The following CMPK2 variants were observed in gnomAD, a reference collection of about 807,000 sequenced individuals.
CMPK2 encodes the protein cytidine/uridine monophosphate kinase 2, also known as UMP-CMP kinase 2, mitochondrial.
In CMPK2, 32 loss-of-function variants were observed where a neutral mutation model predicts 33.4. The observed-to-expected ratio is 0.96, with a 90% CI of 0.72 to 1.29. The LOEUF (loss-of-function observed/expected upper bound fraction) is 1.29. Ranked by LOEUF, CMPK2 falls within the 50% of genes most tolerant of loss-of-function variation. The pLI is 0.00. For synonymous variants in CMPK2, 299 were observed against 275.3 expected, an observed-to-expected ratio of 1.09 and a Z score of -0.85; for missense variants, 672 against 616.0, an observed-to-expected ratio of 1.09 and a Z score of -0.96.
Position 6,863,322 on chromosome 2 carries a change from G to C in CMPK2, c.790+142C>G, listed in dbSNP as rs2103228580. On this transcript the variant is annotated intron_variant, in intron 2 of 4. Transcript: ENST00000256722. ...GGTCTTATTCATCTCTGCATCCCAG[G>C]GCCTGCCTAGCACAGGGCCTGCCAC... is the stretch of plus-strand genomic sequence containing the variant. 4.6e-6 allele frequency: 3 copies of C among 649,734 alleles called. No individual in the cohort carries two copies. The East Asian group carries it at 8.1e-5, about 17-fold the overall frequency. The allele number at this position is 649,734 out of a possible 1,614,324, so 40.2% of individuals were successfully genotyped here. A position where few individuals can be genotyped will look rare whatever the true frequency, so the allele number is the denominator to read the frequency against.
rs1010846530 is a variant in CMPK2, at chr2:6,863,391, C to G, written c.790+73G>C. ...AGGCTCCATATAAAGTTTGGTTTTG[C>G]AGGAAGTATTTCTGTTTCTGCAACT... On this transcript the variant is annotated intron_variant, in intron 2 of 4. Transcript: ENST00000256722. 22 of 1,352,544 alleles carry G rather than the reference C, an allele frequency of 1.6e-5. No homozygotes were observed. The African/African-American group carries it at 2.7e-4, about 17-fold the overall frequency. The allele number at this position is 1,352,544 out of a possible 1,614,324, so 83.8% of individuals were successfully genotyped here. A position where few individuals can be genotyped will look rare whatever the true frequency, so the allele number is the denominator to read the frequency against.
chr2:6,860,840 T>C (rs1291484858), intron 3 of CMPK2, among the ~76,000 whole-genome samples: 2 of 152,224 alleles, frequency 1.3e-5, no homozygotes, highest in African/African-American at 4.8e-5. Flanking sequence ...GTCCCCGGTA[T>C]GCTATTTCCA....
downstream of CMPK2, among the ~76,000 whole-genome samples, chr2:6,844,392 G>A (rs187565532): frequency 2.2e-4 from 34 of 152,252 alleles, no homozygotes; most frequent in East Asian, 2.3e-3. Flanking sequence ...TTAGCTTTCC[G>A]TCAACTGAAT....
intron 2 of CMPK2, among the ~76,000 whole-genome samples, chr2:6,861,608 G>A (rs1341665673): frequency 6.6e-6 from 1 of 152,176 alleles, no homozygotes; most frequent in Non-Finnish European, 1.5e-5. Context: ...CTGATATTGG[G>A]AGTCTAGACA....
chr2:6,864,060 G>C (rs1033488317), intron 1 of CMPK2, among the ~76,000 whole-genome samples: 18 of 152,178 alleles, frequency 1.2e-4, no homozygotes, highest in African/African-American at 4.1e-4. Flanking sequence ...GTCCCCCTGG[G>C]AATTCCCAGT....
At chr2:6,853,276 A>C (rs1441647975) in intron 3 of CMPK2, among the ~76,000 whole-genome samples, 3 of 152,138 alleles carry the variant, frequency 2.0e-5, no homozygotes, top group Non-Finnish European at 2.9e-5. Context: ...TAAAATTTTG[A>C]TCATTTTAGA....
chr2:6,857,946 G>C (rs1340658571), intron 3 of CMPK2, among the ~76,000 whole-genome samples: 4 of 152,112 alleles, frequency 2.6e-5, no homozygotes, highest in African/African-American at 9.7e-5. Flanking sequence ...ATCAGTTTAT[G>C]TCTCTCCTTT....
Position 6,849,692 on chromosome 2 carries a change from T to A in CMPK2, c.*158A>T. ...GACGGGTCCATCAGTCAGAAGAGGG[T>A]ACGATGGCTGAAGTAAAATTAAGAT... is the stretch of plus-strand genomic sequence containing the variant. On this transcript the variant is annotated 3_prime_UTR_variant, in exon 5 of 5. Coordinates refer to ENST00000256722, the MANE Select transcript of CMPK2 (RefSeq NM_207315.4). 6.7e-7 allele frequency: 1 copy of A among 1,492,388 alleles called. No individual in the cohort carries two copies. The highest frequency in any genetic ancestry group is 8.8e-7 in the Non-Finnish European group (1 of 1,132,478). The allele number at this position is 1,492,388 out of a possible 1,614,324, so 92.4% of individuals were successfully genotyped here.
intron 3 of CMPK2, 75 bp downstream of exon 3, chr2:6,861,109 C>A (rs1484577562): frequency 8.0e-7 from 1 of 1,254,556 alleles, no homozygotes; most frequent in African/African-American, 1.5e-5. Flanking sequence ...CACACGCACA[C>A]ACACACACAC....
chr2:6,857,038 G>A (rs78150630), intron 3 of CMPK2, among the ~76,000 whole-genome samples: 1 of 152,324 alleles, frequency 6.6e-6, no homozygotes, highest in Non-Finnish European at 1.5e-5. Flanking sequence ...TGCTCTCTAA[G>A]TGATTATGCT....
intron 2 of CMPK2, among the ~76,000 whole-genome samples, 200 bp from the exon 3 acceptor site, chr2:6,861,585 T>C (rs1662884200): frequency 6.6e-6 from 1 of 152,198 alleles, no homozygotes; most frequent in African/African-American, 2.4e-5. Context: ...AAAATTCTGG[T>C]TAGTGATCAA....
rs529479283 is a variant in CMPK2 at position 6,865,284 on chromosome 2, T to G, written c.413A>C (p.Asp138Ala). 37 of 1,531,418 alleles carry G rather than the reference T, an allele frequency of 2.4e-5. No homozygotes were observed. The African/African-American group carries it at 5.1e-4, about 21-fold the overall frequency. 94.9% of individuals were successfully genotyped at this position (1,531,418 alleles called of 1,614,324 possible). Residue 138 changes from aspartate to alanine, a missense_variant, in exon 1 of 5, where the codon GAT (aspartate) becomes GCT (alanine). By Grantham distance (126) the Asp-to-Ala change is moderately radical (BLOSUM62 -2). Coordinates refer to ENST00000256722, the MANE Select transcript of CMPK2 (RefSeq NM_207315.4). ...QQGFLLRDPL[D>A]DPDTRQALLE... ...CAGCGCTTGCCGGGTGTCAGGGTCA[T>G]CCAGGGGGTCGCGCAGCAGGAAGCC... is the stretch of plus-strand genomic sequence containing the variant.
chr2:6,851,556 G>A lies in CMPK2; in HGVS notation c.1120C>T (p.Leu374=). The change falls in exon 4 of 5, where the codon CTG becomes TTG. Residue 374 remains leucine (L), a synonymous_variant. Coordinates refer to ENST00000256722, the MANE Select transcript of CMPK2 (RefSeq NM_207315.4). The part of the protein sequence containing the change: ...EDLLKPDLIL[L]LTVSPEERLQ... ...CTCTCCTCAGGACTCACAGTGAGCA[G>A]CAGGATAAGGTCAGGTTTGAGCAGG... The A allele has an allele frequency of 6.2e-7, 1 of 1,614,204 alleles. No individual in the cohort carries two copies. The highest frequency in any genetic ancestry group is 8.5e-7 in the Non-Finnish European group (1 of 1,180,036).
intron 3 of CMPK2, among the ~76,000 whole-genome samples, chr2:6,855,116 G>A (rs1032040483): frequency 2.7e-5 from 4 of 150,040 alleles, no homozygotes. Context: ...AAGTCATTGC[G>A]GTTTTTGCCA....
At chr2:6,847,024 A>C (rs1489243203), downstream of CMPK2, among the ~76,000 whole-genome samples, 1 of 152,180 alleles carries the variant, frequency 6.6e-6, no homozygotes, top group Non-Finnish European at 1.5e-5. Flanking sequence ...AACTTTAATA[A>C]GCGAAAAAAG....
chr2:6,856,288 A>T (rs568676478), intron 3 of CMPK2, among the ~76,000 whole-genome samples: 2 of 152,352 alleles, frequency 1.3e-5, no homozygotes, highest in African/African-American at 4.8e-5. Flanking sequence ...ATAAAACTCC[A>T]TACCTAACAA....
rs1663030384 is a variant in CMPK2, at chr2:6,865,261, GCGCTTGC to G, written c.429_435del (p.Gln144CysfsTer123). ...TGACAGGCGCCCAGCAGCTCGAGCA[GCGCTTGC>G]CGGGTGTCAGGGTCATCCAGGGGGT... On this transcript the variant is annotated frameshift_variant, in exon 1 of 5. Transcript: ENST00000256722. LOFTEE classifies it high-confidence loss of function. 2 of 1,537,744 alleles carry G rather than the reference GCGCTTGC, an allele frequency of 1.3e-6. No individual in the cohort carries two copies. Among genetic ancestry groups the G allele is most frequent in the East Asian group, 5.1e-5 (2 of 39,550 alleles).
intron 3 of CMPK2, among the ~76,000 whole-genome samples, chr2:6,843,186 A>G (rs1011946576): frequency 6.6e-6 from 1 of 152,190 alleles, no homozygotes; most frequent in African/African-American, 2.4e-5. Context: ...TCTAAAGCAA[A>G]CAAGTATTGG....
At chr2:6,847,716 CGATATGAAGAGTTAAAGGGGAAAGT>C (rs1431982844), downstream of CMPK2, among the ~76,000 whole-genome samples, 1 of 152,098 alleles carries the variant, frequency 6.6e-6, no homozygotes, top group Non-Finnish European at 1.5e-5. Flanking sequence ...TGAATACAGC[CGATATGAAGAGTTAAAGGGGAAAGT>C]GATAATATCC....
Sources: allele counts gnomAD v4.1 joint callset (sites outside exome capture counted in the v4.1 genomes callset), GRCh38; gene constraint gnomAD v4.1.1; transcripts MANE v1.5; gene names NCBI Gene and HGNC (gene_info 2026-07-23, HGNC 2026-07-21).